PIGU: variants seen among roughly 807,000 people sequenced by gnomAD.
PIGU encodes phosphatidylinositol glycan anchor biosynthesis class U, also known as GPI-anchor transamidase component PIGU.
Under a neutral mutation model 49.9 loss-of-function variants are expected in PIGU, and 24 were observed. That is an observed-to-expected ratio of 0.48 (90% CI 0.35 to 0.68). The LOEUF (loss-of-function observed/expected upper bound fraction) is 0.68, where lower values mean the gene tolerates loss of function less well. PIGU is among the 30% of genes least tolerant of loss of function. The pLI, the probability that PIGU is intolerant of heterozygous loss-of-function variation, is 0.01. For missense variants in PIGU, 490 were observed against 532.6 expected (o/e 0.92, Z 0.79); for synonymous variants, 220 against 205.7 (o/e 1.07, Z -0.59).
intron 2 of PIGU, among the ~76,000 whole-genome samples, chr20:34,650,688 TTC>T (rs1414106265): frequency 2.8e-5 from 4 of 144,876 alleles, no homozygotes; most frequent in South Asian, 2.2e-4. Flanking sequence ...TTTTTTCCTT[TTC>T]TTTTTTTCTC....
intron 1 of PIGU, among the ~76,000 whole-genome samples, chr20:34,663,413 G>A (rs1829185967): frequency 6.6e-6 from 1 of 152,042 alleles, no homozygotes; most frequent in South Asian, 2.1e-4. Context: ...GGAGGTCAAA[G>A]CTGCAGCGAG....
chr20:34,580,077 C>T (rs1983397582), intron 10 of PIGU, among the ~76,000 whole-genome samples: 1 of 152,226 alleles, frequency 6.6e-6, no homozygotes, highest in African/African-American at 2.4e-5. Context: ...AGTCAAGTGA[C>T]TCTCCAGACT....
At chr20:34,574,974 T>C (rs1983162225) in intron 11 of PIGU, 130 bp downstream of exon 11, 2 of 1,256,206 alleles carry the variant, frequency 1.6e-6, no homozygotes, top group East Asian at 2.3e-5. Flanking sequence ...TGGGAGCTAC[T>C]TGAGGGGAGT....
At chr20:34,641,389 A>T (rs1232181043) in intron 4 of PIGU, among the ~76,000 whole-genome samples, 1 of 152,060 alleles carries the variant, frequency 6.6e-6, no homozygotes, top group Non-Finnish European at 1.5e-5. Flanking sequence ...CAACCCTCTA[A>T]TCATATTAAG....
At chr20:34,646,080 CTTTA>C (rs1018081676) in intron 2 of PIGU, among the ~76,000 whole-genome samples, 33 of 151,886 alleles carry the variant, frequency 2.2e-4, no homozygotes, top group African/African-American at 7.7e-4. Context: ...ATATTTTTTT[CTTTA>C]TTTATTTTCT....
intron 1 of PIGU, among the ~76,000 whole-genome samples, chr20:34,670,043 T>C (rs1987256927): frequency 6.6e-6 from 1 of 152,074 alleles, no homozygotes; most frequent in Non-Finnish European, 1.5e-5. Flanking sequence ...AGTGAGGGGA[T>C]TGTGACGAAG....
chr20:34,625,386 A>C (rs896823281), intron 6 of PIGU, among the ~76,000 whole-genome samples: 5 of 151,886 alleles, frequency 3.3e-5, no homozygotes, highest in South Asian at 4.1e-4. Context: ...AAAAAAACAA[A>C]AAAAAAAAAA....
chr20:34,575,360 G>T, intron 10 of PIGU, 114 bp from the exon 11 acceptor site: 1 of 1,290,634 alleles, frequency 7.7e-7, no homozygotes, highest in Non-Finnish European at 1.1e-6. Flanking sequence ...TAGCTCAAAG[G>T]CAGAGCACCC....
intron 7 of PIGU, among the ~76,000 whole-genome samples, chr20:34,610,440 G>A (rs373847853): frequency 1.3e-5 from 2 of 152,268 alleles, no homozygotes; most frequent in Admixed American, 6.5e-5. Flanking sequence ...AATCATGAGT[G>A]AACGCCCATT....
chr20:34,676,979 G>A lies in PIGU; in HGVS notation c.107C>T (p.Ser36Phe), dbSNP rs758474772. 9 of 1,579,578 alleles carry A rather than the reference G, an allele frequency of 5.7e-6. No individual in the cohort carries two copies. The South Asian group carries it at 9.3e-5, about 16-fold the overall frequency. ...ACCTCTCTTCCAAGAGCTCAGTGGG[G>A]ACACCACCTCCACCCGCTCGGAAAT... ...EFISERVEVV[S>F]PLSSWKRVVE... The change falls in exon 1 of 12, where the codon TCC becomes TTC. Residue 36 changes from serine (S) to phenylalanine (F), a missense_variant. Physicochemically the swap from Ser to Phe is radical, Grantham distance 155 (BLOSUM62 -2). Transcript: ENST00000217446.
chr20:34,598,133 C>T (rs1375656034), intron 7 of PIGU, among the ~76,000 whole-genome samples: 1 of 151,922 alleles, frequency 6.6e-6, no homozygotes, highest in Non-Finnish European at 1.5e-5. Context: ...GGAGGACGTA[C>T]AGGGCTTCTA....
intron 2 of PIGU, among the ~76,000 whole-genome samples, chr20:34,653,126 C>A (rs1986595938): frequency 6.6e-6 from 1 of 152,110 alleles, no homozygotes; most frequent in Non-Finnish European, 1.5e-5. Context: ...GTGCACAACA[C>A]CACACCCAGC....
At chr20:34,607,038 C>T (rs1204193798) in intron 7 of PIGU, among the ~76,000 whole-genome samples, 4 of 152,152 alleles carry the variant, frequency 2.6e-5, no homozygotes, top group Admixed American at 1.3e-4. Flanking sequence ...GGATTACAGG[C>T]GTGAGCCACC....
At position 34,609,556 on chromosome 20, in the gene PIGU, G is replaced by A. The variant is rs997457759; in HGVS notation, c.627+6486C>T. On this transcript the variant is annotated intron_variant, in intron 7 of 11. Transcript: ENST00000217446. ...ATTTTTGTACTTTTAGTAGAGACGC[G>A]GTTTCACTATGTTGGCCAGGCTTGT... Among the ~76,000 whole-genome samples, 40 of 152,026 alleles carry A rather than the reference G, an allele frequency of 2.6e-4. 1 individual carries two copies. The highest frequency in any genetic ancestry group is 1.0e-3 in the Admixed American group (16 of 15,254).
intron 11 of PIGU, chr20:34,562,481 G>C (rs747901958): frequency 3.0e-4 from 388 of 1,289,202 alleles, no homozygotes; most frequent in Non-Finnish European, 3.7e-4. Flanking sequence ...GAGGCGCCTG[G>C]AGGAGTTCAG....
intron 6 of PIGU, among the ~76,000 whole-genome samples, chr20:34,629,330 C>T (rs1312045341): frequency 6.6e-6 from 1 of 152,150 alleles, no homozygotes. Context: ...CCATATGTTA[C>T]ATTTTGATCA....
chr20:34,581,493 A>G, intron 10 of PIGU, 55 bp downstream of exon 10: 2 of 1,601,154 alleles, frequency 1.2e-6, no homozygotes, highest in Non-Finnish European at 1.7e-6. Context: ...TCCCTGCAGC[A>G]GTCTCATCCA....
At chr20:34,630,687 C>A in intron 6 of PIGU, among the ~76,000 whole-genome samples, 1 of 152,170 alleles carries the variant, frequency 6.6e-6, no homozygotes, top group East Asian at 1.9e-4. Context: ...ATGGCTGTCA[C>A]CCAAGCTGGA....
intron 7 of PIGU, among the ~76,000 whole-genome samples, chr20:34,590,836 CA>C (rs1397697130): frequency 4.6e-5 from 7 of 151,930 alleles, no homozygotes. Flanking sequence ...TCCTGGCTAA[CA>C]TGGTGAAACC....
Sources: allele counts gnomAD v4.1 joint callset (sites outside exome capture counted in the v4.1 genomes callset), GRCh38; gene constraint gnomAD v4.1.1; transcripts MANE v1.5; gene names NCBI Gene and HGNC (gene_info 2026-07-23, HGNC 2026-07-21).